Variants in CPVL observed in about 807,000 individuals in gnomAD.
CPVL encodes carboxypeptidase vitellogenic like, also known as probable serine carboxypeptidase CPVL.
In CPVL, 51 loss-of-function variants were observed where a neutral mutation model predicts 63.7. The observed-to-expected ratio is 0.80, with a 90% CI of 0.64 to 1.01. The LOEUF (loss-of-function observed/expected upper bound fraction) is 1.01. Among genes scored for constraint, CPVL ranks in the 50% least tolerant of loss-of-function variants. The pLI is 0.00. For missense variants in CPVL, 530 were observed against 573.1 expected (o/e 0.92, Z 0.77); for synonymous variants, 195 against 206.0 (o/e 0.95, Z 0.46).
At chr7:29,190,183 G>A (rs1378813457) in intron 1 of CPVL, among the ~76,000 whole-genome samples, 1 of 152,202 alleles carries the variant, frequency 6.6e-6, no homozygotes, top group South Asian at 2.1e-4. Context: ...ACTACAGAGC[G>A]AAATATTTCT....
chr7:29,157,563 G>A (rs1452365658), intron 5 of CPVL, among the ~76,000 whole-genome samples: 1 of 152,116 alleles, frequency 6.6e-6, no homozygotes, highest in African/African-American at 2.4e-5. Flanking sequence ...AAAATCCAAA[G>A]TATGAAAATA....
At chr7:29,173,399 A>G (rs1256167022) in intron 5 of CPVL, among the ~76,000 whole-genome samples, 5 of 152,120 alleles carry the variant, frequency 3.3e-5, no homozygotes, top group African/African-American at 9.7e-5. Context: ...TATTAATAAT[A>G]CATGAGGATT....
At chr7:29,055,814 G>A (rs529940948) in intron 11 of CPVL, among the ~76,000 whole-genome samples, 235 of 152,254 alleles carry the variant, frequency 1.5e-3, no homozygotes, top group African/African-American at 5.2e-3. Context: ...TTTGTTTTCA[G>A]ATCCACTTTC....
chr7:29,002,990 C>T (rs905623024), intron 12 of CPVL, among the ~76,000 whole-genome samples: 2 of 97,924 alleles, frequency 2.0e-5, no homozygotes, highest in Admixed American at 2.2e-4. Flanking sequence ...TAGTAACATT[C>T]AGAGATACTG....
chr7:29,073,490 T>C (rs756426473), intron 7 of CPVL, among the ~76,000 whole-genome samples: 4 of 152,108 alleles, frequency 2.6e-5, no homozygotes, highest in Non-Finnish European at 5.9e-5. Context: ...TGCTCCCTTC[T>C]CTACCCTCAA....
At chr7:29,158,816 G>A (rs925610799) in intron 5 of CPVL, among the ~76,000 whole-genome samples, 5 of 152,144 alleles carry the variant, frequency 3.3e-5, no homozygotes, top group African/African-American at 1.2e-4. Context: ...AATATTTACA[G>A]ATGCTTAACT....
In CPVL at chr7:29,120,150, G is replaced by A. The variant is rs535734411; in HGVS notation, c.169+743C>T. ...TTAATATTTGACATAGGCTGGGTGCGGTGGCTCATGCCTATAATCCCAGCA... is the reference window on the plus strand; with the variant it reads ...TTAATATTTGACATAGGCTGGGTGCAGTGGCTCATGCCTATAATCCCAGCA... On this transcript the variant is annotated intron_variant, in intron 2 of 12. Transcript: ENST00000265394. 1.3e-4 allele frequency among the ~76,000 whole-genome samples: 20 copies of A among 152,262 alleles called. 1 individual carries two copies. In the South Asian group the frequency reaches 3.1e-3, roughly 24 times the overall value.
intron 11 of CPVL, among the ~76,000 whole-genome samples, chr7:29,049,367 T>A (rs554411343): frequency 2.2e-4 from 33 of 152,162 alleles, no homozygotes; most frequent in African/African-American, 7.5e-4. Context: ...TAAAAGATCA[T>A]TCAAGGCTAC....
At position 29,103,411 on chromosome 7, in the gene CPVL, A is replaced by ATTTTTTTTTTTTTTTTTTTT; in HGVS notation, c.289-7195_289-7194insAAAAAAAAAAAAAAAAAAAA. ...GAGGTGTGCACCACCATGCTCAGCT[A>ATTTTTTTTTTTTTTTTTTTT]TTTTTTTTTTTTTTTGTATTTTTAG... On this transcript the variant is annotated intron_variant, in intron 3 of 12. Coordinates refer to ENST00000265394, the MANE Select transcript of CPVL (RefSeq NM_031311.5). Among the ~76,000 whole-genome samples the ATTTTTTTTTTTTTTTTTTTT allele has an allele frequency of 2.2e-5, 3 of 134,806 alleles. 1 individual carries two copies. The highest frequency in any genetic ancestry group is 1.5e-4 in the Admixed American group (2 of 13,406). 88.4% of individuals were successfully genotyped at this position (134,806 alleles called of 152,430 possible).
At chr7:29,071,719 C>CAA in intron 9 of CPVL, 54 bp downstream of exon 9, 2 of 1,068,954 alleles carry the variant, frequency 1.9e-6, no homozygotes, top group Non-Finnish European at 2.6e-6. Context: ...ACCCGCCCTC[C>CAA]CTCCCCAGAT....
At chr7:29,054,639 T>G (rs961653992) in intron 11 of CPVL, among the ~76,000 whole-genome samples, 6 of 152,252 alleles carry the variant, frequency 3.9e-5, no homozygotes, top group Admixed American at 3.9e-4. Context: ...TCAGTACATG[T>G]GTCTGTGCAT....
intron 2 of CPVL, among the ~76,000 whole-genome samples, chr7:29,115,074 C>T (rs1352000822): frequency 6.6e-6 from 1 of 152,188 alleles, no homozygotes; most frequent in Non-Finnish European, 1.5e-5. Flanking sequence ...CAGCAAGTTG[C>T]TCCATCTCTC....
chr7:29,114,297 C>T (rs1047334073), intron 2 of CPVL, among the ~76,000 whole-genome samples: 3 of 152,114 alleles, frequency 2.0e-5, no homozygotes, highest in Non-Finnish European at 2.9e-5. Context: ...AGTTCTCATT[C>T]CCACTTTACA....
chr7:29,020,469 G>T (rs756010666), intron 12 of CPVL, among the ~76,000 whole-genome samples: 1 of 151,900 alleles, frequency 6.6e-6, no homozygotes, highest in Admixed American at 6.6e-5. Flanking sequence ...ATGTACTCTT[G>T]TAAGCAATCC....
At chr7:29,130,589 G>A (rs2687639) in intron 1 of CPVL, among the ~76,000 whole-genome samples, 34,432 of 152,016 alleles carry the variant, frequency 0.23, 4,825 homozygotes, top group African/African-American at 0.4. Context: ...AGCTTTATAT[G>A]AGACATATCC....
At chr7:29,147,238 A>T (rs965559331), upstream of CPVL, 1 of 420,516 alleles carries the variant, frequency 2.4e-6, no homozygotes, top group African/African-American at 2.0e-5. Flanking sequence ...AGATAACACA[A>T]AATAAAGGAG....
At chr7:29,163,850 A>G (rs1356356717) in intron 5 of CPVL, among the ~76,000 whole-genome samples, 1 of 152,192 alleles carries the variant, frequency 6.6e-6, no homozygotes, top group Non-Finnish European at 1.5e-5. Flanking sequence ...ATGCATATCA[A>G]TAGTTCACTC....
chr7:29,005,552 CAGTG>C (rs1293253492), intron 12 of CPVL, among the ~76,000 whole-genome samples: 1 of 152,102 alleles, frequency 6.6e-6, no homozygotes, highest in African/African-American at 2.4e-5. Flanking sequence ...ACTGTGTCTA[CAGTG>C]AGTTTTATCC....
intron 1 of CPVL, among the ~76,000 whole-genome samples, chr7:29,136,441 G>C (rs1431448239): frequency 6.6e-6 from 1 of 152,148 alleles, no homozygotes; most frequent in African/African-American, 2.4e-5. Context: ...ATCACCATTT[G>C]GACAGGTTGG....
Sources: gnomAD v4.1 joint callset for allele counts (sites outside exome capture counted in the v4.1 genomes callset) on GRCh38, gnomAD v4.1.1 for gene constraint, MANE v1.5 for transcripts, NCBI Gene and HGNC (gene_info 2026-07-23, HGNC 2026-07-21) for gene names.